The following SLC25A17 variants were observed in gnomAD, a reference collection of about 807,000 sequenced individuals.
SLC25A17 encodes the protein solute carrier family 25 member 17.
Under a neutral mutation model 38.5 loss-of-function variants are expected in SLC25A17, and 26 were observed. The ratio of observed to expected loss-of-function variants is 0.68; its 90% confidence interval spans 0.50 to 0.94. The LOEUF (loss-of-function observed/expected upper bound fraction) is 0.94, where lower values mean the gene tolerates loss of function less well. Among genes scored for constraint, SLC25A17 ranks in the 40% least tolerant of loss-of-function variants. SLC25A17 has a pLI of 0.00. For synonymous variants in SLC25A17, 139 were observed against 136.2 expected (o/e 1.02, Z -0.14); for missense variants, 333 against 372.7 (o/e 0.89, Z 0.88).
intron 4 of SLC25A17, among the ~76,000 whole-genome samples, chr22:40,791,279 A>G (rs1041065324): frequency 2.0e-5 from 3 of 152,176 alleles, no homozygotes; most frequent in African/African-American, 7.2e-5. Flanking sequence ...TTATTTATCC[A>G]AAATTCAACT....
chr22:40,775,443 T>G (rs1253304721), intron 7 of SLC25A17, among the ~76,000 whole-genome samples: 11 of 44,812 alleles, frequency 2.5e-4, no homozygotes, highest in African/African-American at 1.0e-3. Flanking sequence ...ATGGTTTTTT[T>G]TTTTTTTTTT....
chr22:40,819,184 C>T lies in SLC25A17; in HGVS notation c.54+11G>A, dbSNP rs1646936457. 6.2e-7 allele frequency: 1 copy of T among 1,613,586 alleles called. No homozygotes were observed. The highest frequency in any genetic ancestry group is 8.5e-7 in the Non-Finnish European group (1 of 1,180,000). On this transcript the variant is annotated intron_variant, in intron 1 of 8. Coordinates refer to ENST00000435456, the MANE Select transcript of SLC25A17 (RefSeq NM_006358.4). Reference sequence around the variant, plus strand: ...ACCCGTTGCGGCCCGGGCGTAAAGACCCCGTCTCACCACGGCTCCGGCCAC... The same window carrying T: ...ACCCGTTGCGGCCCGGGCGTAAAGATCCCGTCTCACCACGGCTCCGGCCAC...
intron 4 of SLC25A17, 148 bp downstream of exon 4, chr22:40,792,377 G>A (rs2057391731): frequency 8.1e-6 from 5 of 618,790 alleles, no homozygotes; most frequent in Admixed American, 3.2e-5. Flanking sequence ...TTTATGTCAC[G>A]TTTTTTAACA....
At position 40,814,822 on chromosome 22, in the gene SLC25A17, GGTTTT is replaced by G. The variant is rs746307058; in HGVS notation, c.54+4368_54+4372del. Among the ~76,000 whole-genome samples, 284 of 141,578 alleles carry G rather than the reference GGTTTT, an allele frequency of 2.0e-3. 1 individual carries two copies. The highest frequency in any genetic ancestry group is 5.9e-3 in the South Asian group (26 of 4,412). 92.9% of individuals were successfully genotyped at this position (141,578 alleles called of 152,430 possible). On this transcript the variant is annotated intron_variant, in intron 1 of 8. Transcript: ENST00000435456. ...TGTTGTTGTTGTTTTGTTTTGTTTTGGTTTTTTTTGTTTTTGAGACGGAGTCTTGC... is the reference window on the plus strand; with the variant it reads ...TGTTGTTGTTGTTTTGTTTTGTTTTGTTTTGTTTTTGAGACGGAGTCTTGC...
intron 8 of SLC25A17, among the ~76,000 whole-genome samples, chr22:40,772,618 G>A (rs1237539031): frequency 6.6e-6 from 1 of 151,716 alleles, no homozygotes; most frequent in Non-Finnish European, 1.5e-5. Context: ...TTGTCTTTTA[G>A]TCCCTTGAAT....
rs138932511 is a variant in SLC25A17, at chr22:40,787,105, T to C, written c.334+5420A>G. Among the ~76,000 whole-genome samples, 545 of 152,292 alleles carry C rather than the reference T, an allele frequency of 3.6e-3. 5 individuals carry two copies. The highest frequency in any genetic ancestry group is 0.013 in the African/African-American group (524 of 41,558). On this transcript the variant is annotated intron_variant, in intron 4 of 8. Coordinates refer to ENST00000435456, the MANE Select transcript of SLC25A17 (RefSeq NM_006358.4). ...TGTTGGAGCACATAGAAAGGGCACC[T>C]AACCCAGAATAAAACCTAGGGGTGG...
chr22:40,781,075 G>A (rs1464290272), intron 4 of SLC25A17, among the ~76,000 whole-genome samples: 1 of 152,082 alleles, frequency 6.6e-6, no homozygotes, highest in Non-Finnish European at 1.5e-5. Flanking sequence ...AGAGGCTGAA[G>A]TGGGAAGATC....
Position 40,770,063 on chromosome 22 carries a change from A to G in SLC25A17, c.*771T>C, listed in dbSNP as rs1339312980. On this transcript the variant is annotated 3_prime_UTR_variant, in exon 9 of 9. Coordinates refer to ENST00000435456, the MANE Select transcript of SLC25A17 (RefSeq NM_006358.4). ...AACTCAACGTAATACCTTAATAAAG[A>G]GCAATTTTCAAGAATATCTTTTTTG... 3 of 152,230 alleles carry G rather than the reference A, an allele frequency of 2.0e-5. No individual in the cohort carries two copies. The highest frequency in any genetic ancestry group is 7.2e-5 in the African/African-American group (3 of 41,458). The allele number at this position is 152,230 out of a possible 1,614,324, so 9.4% of individuals were successfully genotyped here. A position where few individuals can be genotyped will look rare whatever the true frequency, so the allele number is the denominator to read the frequency against.
intron 1 of SLC25A17, among the ~76,000 whole-genome samples, chr22:40,802,513 T>C (rs1024910936): frequency 1.3e-5 from 2 of 151,980 alleles, no homozygotes; most frequent in African/African-American, 2.4e-5. Context: ...GGCGTGGTGG[T>C]GGGCACCTGT....
intron 8 of SLC25A17, among the ~76,000 whole-genome samples, chr22:40,771,725 C>T (rs575251165): frequency 5.8e-4 from 88 of 151,756 alleles, no homozygotes; most frequent in Admixed American, 1.7e-3. Context: ...AGAGTAGTGG[C>T]GGGGGGAAGG....
chr22:40,796,418 C>T (rs1163778272), intron 2 of SLC25A17, among the ~76,000 whole-genome samples: 1 of 151,942 alleles, frequency 6.6e-6, no homozygotes, highest in Non-Finnish European at 1.5e-5. Context: ...GTGGGTGGAT[C>T]ACCTGAGGTC....
intron 4 of SLC25A17, among the ~76,000 whole-genome samples, chr22:40,781,272 G>A (rs1394098426): frequency 6.7e-6 from 1 of 149,520 alleles, no homozygotes; most frequent in Non-Finnish European, 1.5e-5. Flanking sequence ...TTGAGACGGA[G>A]TCTCGCTCTT....
At chr22:40,798,521 C>G (rs556197096) in intron 2 of SLC25A17, among the ~76,000 whole-genome samples, 205 of 152,138 alleles carry the variant, frequency 1.3e-3, no homozygotes, top group African/African-American at 4.8e-3. Context: ...CCCCAGTCTA[C>G]CAGGTATCTA....
rs541251302 is a variant in SLC25A17 at position 40,773,977 on chromosome 22, T to C, written c.736A>G (p.Ser246Gly). The C allele has an allele frequency of 1.2e-6, 2 of 1,613,556 alleles. No individual in the cohort carries two copies. The highest frequency in any genetic ancestry group is 1.3e-5 in the African/African-American group (1 of 75,048). ...RLNPENRTLG[S>G]LRNILYLLHQ... ...AGAAGATAGAGAATATTCCGAAGAC[T>C]TCCCAATGTTCTGTTTTCTGGGTTT... Residue 246 changes from serine (S) to glycine (G), a missense_variant, in exon 8 of 9, where the codon AGT becomes GGT. Coordinates refer to ENST00000435456, the MANE Select transcript of SLC25A17 (RefSeq NM_006358.4).
chr22:40,801,415 C>T (rs954224869), intron 1 of SLC25A17, among the ~76,000 whole-genome samples: 4 of 151,906 alleles, frequency 2.6e-5, no homozygotes, highest in African/African-American at 9.7e-5. Flanking sequence ...AACTCTTCTG[C>T]TAATTTGTGA....
intron 1 of SLC25A17, among the ~76,000 whole-genome samples, chr22:40,806,736 C>G (rs1052914153): frequency 1.3e-5 from 2 of 152,164 alleles, no homozygotes; most frequent in African/African-American, 4.8e-5. Flanking sequence ...CTTCCCATTT[C>G]CCCCTTCACT....
chr22:40,816,602 TTTTA>T (rs2057642036), intron 1 of SLC25A17, among the ~76,000 whole-genome samples: 1 of 129,226 alleles, frequency 7.7e-6, no homozygotes, highest in South Asian at 2.5e-4. Context: ...TTCATTTATT[TTTTA>T]TTGTTTTTTT....
rs2057169065 is a variant in SLC25A17 at position 40,770,370 on chromosome 22, T to A, written c.*464A>T. 1 of 152,232 alleles carries A rather than the reference T, an allele frequency of 6.6e-6. No individual in the cohort carries two copies. Among genetic ancestry groups the A allele is most frequent in the African/African-American group, 2.4e-5 (1 of 41,448 alleles). 9.4% of individuals were successfully genotyped at this position (152,232 alleles called of 1,614,324 possible). On this transcript the variant is annotated 3_prime_UTR_variant, in exon 9 of 9. Transcript: ENST00000435456. ...AGTCATGCCCGTGGCACAGCCCTAA[T>A]GTTAGTTTTAGGGAGGAAAACACCA... is the stretch of plus-strand genomic sequence containing the variant.
intron 2 of SLC25A17, among the ~76,000 whole-genome samples, chr22:40,796,532 G>A (rs1480378441): frequency 6.6e-6 from 1 of 151,878 alleles, no homozygotes; most frequent in Non-Finnish European, 1.5e-5. Flanking sequence ...CCAGCTACTC[G>A]GGAGGCTGAG....
Sources: gnomAD v4.1 joint callset for allele counts (sites outside exome capture counted in the v4.1 genomes callset) on GRCh38, gnomAD v4.1.1 for gene constraint, MANE v1.5 for transcripts, NCBI Gene and HGNC (gene_info 2026-07-23, HGNC 2026-07-21) for gene names.